VMP1: variants seen among roughly 807,000 people sequenced by gnomAD.
VMP1 encodes the protein ectopic P-granules autophagy protein 3 homolog.
A neutral mutation model predicts 56.0 loss-of-function variants in VMP1; 11 were observed. That is an observed-to-expected ratio of 0.20 (90% CI 0.12 to 0.32). VMP1 has a LOEUF of 0.32. Among genes scored for constraint, VMP1 ranks in the 10% least tolerant of loss-of-function variants. The probability of loss-of-function intolerance (pLI) is 1.00; values close to 1 mark genes in which losing one functional copy is unlikely to be tolerated. For synonymous variants in VMP1, 149 were observed against 165.0 expected (o/e 0.90, Z 0.74); for missense variants, 296 against 490.3 (o/e 0.60, Z 3.74).
At chr17:59,743,143 TGTTATACAG>T (rs2035291304) in intron 5 of VMP1, among the ~76,000 whole-genome samples, 2 of 152,190 alleles carry the variant, frequency 1.3e-5, no homozygotes, top group Non-Finnish European at 2.9e-5. Context: ...ATCTACTCTG[TGTTATACAG>T]GTCTATGGGT....
At chr17:59,820,539 A>G (rs942193832) in intron 10 of VMP1, among the ~76,000 whole-genome samples, 14 of 152,334 alleles carry the variant, frequency 9.2e-5, no homozygotes, top group Admixed American at 2.6e-4. Context: ...TAGCCATTGC[A>G]TTCTCAGAAA....
At chr17:59,814,561 A>C (rs1203772937) in intron 9 of VMP1, among the ~76,000 whole-genome samples, 1 of 152,208 alleles carries the variant, frequency 6.6e-6, no homozygotes, top group Admixed American at 6.5e-5. Flanking sequence ...GCTATTGATC[A>C]GGACCTGTGC....
At chr17:59,824,269 T>C (rs1438697793) in intron 10 of VMP1, among the ~76,000 whole-genome samples, 2 of 132,920 alleles carry the variant, frequency 1.5e-5, no homozygotes, top group African/African-American at 2.9e-5. Context: ...AAAAAAAGGG[T>C]ATCAAAAATC....
intron 2 of VMP1, among the ~76,000 whole-genome samples, chr17:59,731,921 C>T (rs530017838): frequency 7.7e-4 from 117 of 152,152 alleles, no homozygotes; most frequent in Non-Finnish European, 5.0e-4. Context: ...TTAAAATTAT[C>T]GTTTGAGATG....
intron 7 of VMP1, among the ~76,000 whole-genome samples, chr17:59,782,233 G>A (rs1489578158): frequency 6.6e-6 from 1 of 151,804 alleles, no homozygotes; most frequent in African/African-American, 2.4e-5. Context: ...GTACTTTTAT[G>A]GTTTTATTCT....
intron 2 of VMP1, among the ~76,000 whole-genome samples, chr17:59,733,313 G>A (rs888755615): frequency 2.6e-5 from 4 of 151,984 alleles, no homozygotes; most frequent in African/African-American, 9.7e-5. Context: ...TTTTTTGCTA[G>A]TACAAATAAT....
intron 1 of VMP1, chr17:59,729,727 C>G (rs2034750656): frequency 6.7e-6 from 1 of 148,568 alleles, no homozygotes; most frequent in Non-Finnish European, 1.5e-5. Flanking sequence ...TTCCTGTCAC[C>G]CAGGCTGGAG....
At chr17:59,827,381 A>T (rs1359935174) in intron 10 of VMP1, among the ~76,000 whole-genome samples, 1 of 151,510 alleles carries the variant, frequency 6.6e-6, no homozygotes, top group Non-Finnish European at 1.5e-5. Context: ...CAGTGGCGTG[A>T]TCTCAGCTCA....
intron 7 of VMP1, among the ~76,000 whole-genome samples, chr17:59,806,251 T>G (rs1489258679): frequency 6.6e-6 from 1 of 152,156 alleles, no homozygotes; most frequent in Admixed American, 6.5e-5. Context: ...ATGTAATTTG[T>G]TTTTAAAATA....
intron 7 of VMP1, among the ~76,000 whole-genome samples, chr17:59,792,916 G>A (rs1392278825): frequency 8.8e-5 from 5 of 56,902 alleles, no homozygotes; most frequent in African/African-American, 1.8e-4. Flanking sequence ...TGGGCATGGT[G>A]GCTTATGCCT....
chr17:59,752,204 G>A (rs144951567), intron 5 of VMP1, among the ~76,000 whole-genome samples: 56 of 152,300 alleles, frequency 3.7e-4, no homozygotes, highest in African/African-American at 1.0e-3. Flanking sequence ...TCACTGTAAC[G>A]AGAAAGCAAT....
At chr17:59,764,620 G>A (rs2036169905) in intron 5 of VMP1, among the ~76,000 whole-genome samples, 1 of 152,172 alleles carries the variant, frequency 6.6e-6, no homozygotes, top group Admixed American at 6.5e-5. Context: ...TGCTGTGCCT[G>A]GCCAAGGGAT....
intron 10 of VMP1, among the ~76,000 whole-genome samples, chr17:59,832,243 G>A (rs1281973550): frequency 7.9e-6 from 1 of 126,966 alleles, no homozygotes; most frequent in Non-Finnish European, 1.6e-5. Flanking sequence ...GCTCATTGCA[G>A]CCTCCACTAC....
chr17:59,807,973 T>C (rs932582474), intron 7 of VMP1, among the ~76,000 whole-genome samples: 4 of 152,202 alleles, frequency 2.6e-5, no homozygotes, highest in African/African-American at 9.7e-5. Context: ...TTATGAACTA[T>C]TTTCATTGGA....
chr17:59,724,023 G>A (rs2034495059), intron 1 of VMP1, among the ~76,000 whole-genome samples: 1 of 151,502 alleles, frequency 6.6e-6, no homozygotes, highest in Non-Finnish European at 1.5e-5. Flanking sequence ...ACCAGCATGG[G>A]CAAAATGGGG....
chr17:59,775,796 A>G lies in VMP1; in HGVS notation c.714+1911A>G, dbSNP rs115226455. 4.3e-3 allele frequency among the ~76,000 whole-genome samples: 652 copies of G among 152,362 alleles called. 6 individuals are homozygous for G. The highest frequency in any genetic ancestry group is 0.015 in the African/African-American group (628 of 41,590). On this transcript the variant is annotated intron_variant, in intron 7 of 11. Transcript: ENST00000262291. ...AAATGCTAGGCCTAGGCAAGCAGTA[A>G]CATAATTGGTTGAGGCTTTTTGACC...
intron 1 of VMP1, among the ~76,000 whole-genome samples, chr17:59,719,612 T>A (rs181478470): frequency 1.2e-3 from 187 of 152,320 alleles, no homozygotes; most frequent in Non-Finnish European, 1.8e-3. Context: ...TTCCAATAAC[T>A]CTTATGTTAC....
At chr17:59,724,649 G>T (rs948514098) in intron 1 of VMP1, among the ~76,000 whole-genome samples, 2 of 151,974 alleles carry the variant, frequency 1.3e-5, no homozygotes, top group African/African-American at 4.8e-5. Flanking sequence ...GCCAGCCTTC[G>T]TAACAGAGTG....
At chr17:59,745,302 T>C (rs1230327210) in intron 5 of VMP1, among the ~76,000 whole-genome samples, 1 of 152,220 alleles carries the variant, frequency 6.6e-6, no homozygotes, top group Non-Finnish European at 1.5e-5. Flanking sequence ...TCACTTTAAA[T>C]GAATTATCTC....
Sources: allele counts gnomAD v4.1 joint callset (sites outside exome capture counted in the v4.1 genomes callset), GRCh38; gene constraint gnomAD v4.1.1; transcripts MANE v1.5; gene names NCBI Gene and HGNC (gene_info 2026-07-23, HGNC 2026-07-21).